COL5A2: variants seen among roughly 807,000 people sequenced by gnomAD.
COL5A2 encodes the protein collagen type V alpha 2 chain, also known as collagen alpha-2(V) chain.
COL5A2 carries 23 observed loss-of-function variants against 208.2 expected under a neutral mutation model. The ratio of observed to expected loss-of-function variants is 0.11; its 90% CI spans 0.08 to 0.16. The LOEUF (loss-of-function observed/expected upper bound fraction) is 0.16, where lower values mean the gene tolerates loss of function less well. COL5A2 is among the 10% of genes least tolerant of loss of function. The pLI is 1.00. For synonymous variants in COL5A2, 625 were observed against 628.5 expected (o/e 0.99, Z 0.08); for missense variants, 1,590 against 1,956.4 (o/e 0.81, Z 3.53).
intron 1 of COL5A2, among the ~76,000 whole-genome samples, chr2:189,194,054 A>C (rs1688963958): frequency 6.6e-6 from 1 of 152,190 alleles, no homozygotes. Context: ...TATTTTAAAT[A>C]AGTTAATAAA....
At chr2:189,216,828 A>G (rs1425067775) in intron 1 of COL5A2, among the ~76,000 whole-genome samples, 2 of 152,182 alleles carry the variant, frequency 1.3e-5, no homozygotes, top group East Asian at 3.8e-4. Context: ...CATTGTGTAT[A>G]CTCAATAATG....
chr2:189,198,143 T>C (rs1047338200), intron 1 of COL5A2, among the ~76,000 whole-genome samples: 2 of 152,164 alleles, frequency 1.3e-5, no homozygotes, highest in Non-Finnish European at 2.9e-5. Context: ...TAGGAGTACA[T>C]TACCCCTACC....
chr2:189,294,224 T>C, the COL5A2 span, among the ~76,000 whole-genome samples: 1 of 152,192 alleles, frequency 6.6e-6, no homozygotes, highest in Non-Finnish European at 1.5e-5. Flanking sequence ...GAATCGGCAT[T>C]CAAACTTGCA....
the COL5A2 span, among the ~76,000 whole-genome samples, chr2:189,431,657 A>C: frequency 6.6e-6 from 1 of 152,202 alleles, no homozygotes; most frequent in Non-Finnish European, 1.5e-5. Flanking sequence ...AAAAAGAATA[A>C]AAAGAAACGA....
chr2:189,310,785 G>A, the COL5A2 span, among the ~76,000 whole-genome samples: 1 of 152,028 alleles, frequency 6.6e-6, no homozygotes, highest in Non-Finnish European at 1.5e-5. Context: ...AACATGGATG[G>A]AACTGGAGAT....
At chr2:189,392,709 G>T in the COL5A2 span, among the ~76,000 whole-genome samples, 2 of 152,266 alleles carry the variant, frequency 1.3e-5, no homozygotes, top group Admixed American at 6.5e-5. Context: ...ATTCATTGCA[G>T]TGTTAACAGA....
chr2:189,414,729 G>C, the COL5A2 span, among the ~76,000 whole-genome samples: 3 of 139,364 alleles, frequency 2.2e-5, no homozygotes, highest in Non-Finnish European at 3.0e-5. Flanking sequence ...ACTCCAGCCT[G>C]GGTGACAGAG....
chr2:189,221,454 T>C (rs1242182472), intron 1 of COL5A2, among the ~76,000 whole-genome samples: 1 of 152,148 alleles, frequency 6.6e-6, no homozygotes, highest in Non-Finnish European at 1.5e-5. Context: ...TAAGGTCTTA[T>C]CATTCACTGA....
the COL5A2 span, among the ~76,000 whole-genome samples, chr2:189,395,733 G>A: frequency 4.6e-5 from 7 of 150,672 alleles, no homozygotes; most frequent in South Asian, 2.1e-4. Flanking sequence ...GTGAAACCCC[G>A]TCTCTATTAA....
At chr2:189,102,344 T>G (rs1293032804) in intron 3 of COL5A2, among the ~76,000 whole-genome samples, 1 of 152,102 alleles carries the variant, frequency 6.6e-6, no homozygotes, top group African/African-American at 2.4e-5. Context: ...ACTGTTCTGT[T>G]GCTGCACAAT....
the COL5A2 span, among the ~76,000 whole-genome samples, chr2:189,297,155 A>G: frequency 6.6e-6 from 1 of 152,202 alleles, no homozygotes; most frequent in Non-Finnish European, 1.5e-5. Context: ...CAGTAACTTC[A>G]AAGATTTTTA....
intron 1 of COL5A2, among the ~76,000 whole-genome samples, chr2:189,206,247 A>G (rs529398120): frequency 2.0e-5 from 3 of 152,312 alleles, no homozygotes; most frequent in African/African-American, 7.2e-5. Context: ...AAGAACAGCC[A>G]AGACTGAACC....
the COL5A2 span, among the ~76,000 whole-genome samples, chr2:189,395,898 CAAAAAAAAAAAAAAAA>C: frequency 1.9e-5 from 1 of 53,210 alleles, no homozygotes; most frequent in Admixed American, 3.5e-4. Context: ...GGACACATCT[CAAAAAAAAAAAAAAAA>C]AAAAAAAAAA....
At chr2:189,396,154 T>C in the COL5A2 span, among the ~76,000 whole-genome samples, 1 of 152,168 alleles carries the variant, frequency 6.6e-6, no homozygotes, top group Non-Finnish European at 1.5e-5. Context: ...TATAGATATT[T>C]TTCTCAAGGA....
At chr2:189,414,772 A>G in the COL5A2 span, among the ~76,000 whole-genome samples, 8 of 151,536 alleles carry the variant, frequency 5.3e-5, no homozygotes, top group Middle Eastern at 3.4e-3. Flanking sequence ...AAAAAAAAAA[A>G]AAAAGAATGT....
the COL5A2 span, among the ~76,000 whole-genome samples, chr2:189,428,849 C>G: frequency 6.6e-6 from 1 of 152,076 alleles, no homozygotes; most frequent in African/African-American, 2.4e-5. Flanking sequence ...TATAGCAGCA[C>G]AAGAATGGCC....
In COL5A2 at chr2:189,062,902, T is replaced by C; in HGVS notation, c.1940A>G (p.Asp647Gly). 1 of 1,614,074 alleles carries C rather than the reference T, an allele frequency of 6.2e-7. No homozygotes were observed. The highest frequency in any genetic ancestry group is 8.5e-7 in the Non-Finnish European group (1 of 1,180,026). The stretch of plus-strand genomic sequence containing the variant: ...AGGACCAGAAGGACCAACTTCACCA[T>C]CTTTTCCAGGAGCTCCCTAGTATCA... The part of the protein sequence containing the change: ...VPGQRGAPGK[D>G]GEVGPSGPVG... Residue 647 changes from aspartate (D) to glycine (G), a missense_variant, in exon 29 of 54, where the codon GAT becomes GGT. Transcript: ENST00000374866.
chr2:189,278,370 T>C, the COL5A2 span, among the ~76,000 whole-genome samples: 1 of 152,134 alleles, frequency 6.6e-6, no homozygotes, highest in Non-Finnish European at 1.5e-5. Flanking sequence ...GGATAGTGAA[T>C]GGCATTACCT....
chr2:189,433,186 G>T, the COL5A2 span, among the ~76,000 whole-genome samples: 1 of 152,210 alleles, frequency 6.6e-6, no homozygotes. Context: ...AAAGCAATGT[G>T]TAGGGAGAAA....
Sources: allele counts gnomAD v4.1 joint callset (sites outside exome capture counted in the v4.1 genomes callset), GRCh38; gene constraint gnomAD v4.1.1; transcripts MANE v1.5; gene names NCBI Gene and HGNC (gene_info 2026-07-23, HGNC 2026-07-21).